Variants in ANKS6 observed in about 807,000 individuals in gnomAD.
ANKS6 encodes ankyrin repeat and sterile alpha motif domain containing 6.
A neutral mutation model predicts 77.9 loss-of-function variants in ANKS6; 47 were observed. The ratio of observed to expected loss-of-function variants is 0.60; its 90% CI spans 0.48 to 0.77. ANKS6 has a LOEUF of 0.77. Ranked by LOEUF, ANKS6 falls within the 30% of genes least tolerant of loss-of-function variation. The pLI, the probability that ANKS6 is intolerant of heterozygous loss-of-function variation, is 0.00. For missense variants in ANKS6, 1,150 were observed against 1,159.1 expected (o/e 0.99, Z 0.11); for synonymous variants, 488 against 501.7 (o/e 0.97, Z 0.37).
chr9:98,774,000 A>G lies in ANKS6; in HGVS notation c.1698T>C (p.Ser566=). The change falls in exon 9 of 15, where the codon AGT becomes AGC. Residue 566 remains serine (S), a synonymous_variant. Coordinates refer to ENST00000353234, the MANE Select transcript of ANKS6 (RefSeq NM_173551.5). ...AVIPPFLPPS[S]FELWSSDRSR... Reference sequence around the variant, plus strand: ...ACCGATCAGAGCTCCACAGCTCAAAACTGGAAGGGGGTAGGAATGGGGGGA... The same window carrying G: ...ACCGATCAGAGCTCCACAGCTCAAAGCTGGAAGGGGGTAGGAATGGGGGGA... The G allele has an allele frequency of 7.3e-7, 1 of 1,369,492 alleles. No homozygotes were observed. The highest frequency in any genetic ancestry group is 9.7e-7 in the Non-Finnish European group (1 of 1,028,454). The allele number at this position is 1,369,492 out of a possible 1,614,324, so 84.8% of individuals were successfully genotyped here. A position where few individuals can be genotyped will look rare whatever the true frequency, so the allele number is the denominator to read the frequency against.
rs1266741542 is a variant in ANKS6 at position 98,790,590 on chromosome 9, C to T, written c.376G>A (p.Val126Met). 3 of 1,601,220 alleles carry T rather than the reference C, an allele frequency of 1.9e-6. No homozygotes were observed. In the East Asian group the frequency reaches 6.8e-5, roughly 36 times the overall value. ...CCGTGATCCAACAGGAGGTGTGCCACACTCACATGCCCAAATCTGCCAGGA... is the reference window on the plus strand; with the variant it reads ...CCGTGATCCAACAGGAGGTGTGCCATACTCACATGCCCAAATCTGCCAGGA... ...MQAARFGHVS[V>M]AHLLLDHGAD... Residue 126 changes from valine (V) to methionine (M), a missense_variant, in exon 2 of 15, where the codon GTG (valine) becomes ATG (methionine). By Grantham distance (21) the Val-to-Met change is conservative (BLOSUM62 1). Coordinates refer to ENST00000353234, the MANE Select transcript of ANKS6 (RefSeq NM_173551.5).
In ANKS6 at chr9:98,784,098, T is replaced by C. The variant is rs1442029690; in HGVS notation, c.967A>G (p.Asn323Asp). ...ATCAGTGGCGTCGCCCCGTCCCCATTGACCAAGTTCACGTGGCTGGGGTCT... is the reference window on the plus strand; with the variant it reads ...ATCAGTGGCGTCGCCCCGTCCCCATCGACCAAGTTCACGTGGCTGGGGTCT... ...DEDPSHVNLV[N>D]GDGATPLMLA... Residue 323 changes from asparagine to aspartate, a missense_variant, in exon 4 of 15, where the codon AAT (asparagine) becomes GAT (aspartate). By Grantham distance (23) the Asn-to-Asp change is conservative (BLOSUM62 1). Coordinates refer to ENST00000353234, the MANE Select transcript of ANKS6 (RefSeq NM_173551.5). The C allele has an allele frequency of 6.3e-7, 1 of 1,587,076 alleles. No individual in the cohort carries two copies. The highest frequency in any genetic ancestry group is 1.3e-5 in the African/African-American group (1 of 74,144).
At position 98,732,242 on chromosome 9, in the gene ANKS6, G is replaced by A. The variant is rs143501208; in HGVS notation, c.*4277C>T. On this transcript the variant is annotated 3_prime_UTR_variant, in exon 15 of 15. Coordinates refer to ENST00000353234, the MANE Select transcript of ANKS6 (RefSeq NM_173551.5). ...CATTTACTTGGAAGTACAGGTCAGCGTTATCCAAAGTTGTCCAGCCTCCGG... is the reference window on the plus strand; with the variant it reads ...CATTTACTTGGAAGTACAGGTCAGCATTATCCAAAGTTGTCCAGCCTCCGG... 2.8e-5 allele frequency: 15 copies of A among 544,448 alleles called. No individual in the cohort carries two copies. Among genetic ancestry groups the A allele is most frequent in the South Asian group, 8.4e-5 (4 of 47,348 alleles). 33.7% of individuals were successfully genotyped at this position (544,448 alleles called of 1,614,324 possible).
chr9:98,784,165 C>T lies in ANKS6; in HGVS notation c.908-8G>A. On this transcript the variant is annotated splice_polypyrimidine_tract_variant and splice_region_variant and intron_variant, in intron 3 of 14. Coordinates refer to ENST00000353234, the MANE Select transcript of ANKS6 (RefSeq NM_173551.5). ...TGACCAGCTGGAAGTTTCCTGCAAA[C>T]ACAAGCAGGAGTCCGGGTGAACTGT... 1 of 1,514,952 alleles carries T rather than the reference C, an allele frequency of 6.6e-7. No individual in the cohort carries two copies. Among genetic ancestry groups the T allele is most frequent in the African/African-American group, 1.4e-5 (1 of 71,742 alleles). The allele number at this position is 1,514,952 out of a possible 1,614,324, so 93.8% of individuals were successfully genotyped here. A position where few individuals can be genotyped will look rare whatever the true frequency, so the allele number is the denominator to read the frequency against.
intron 11 of ANKS6, among the ~76,000 whole-genome samples, chr9:98,765,572 C>T (rs2117993356): frequency 6.6e-6 from 1 of 152,270 alleles, no homozygotes; most frequent in Middle Eastern, 3.4e-3. Context: ...GAGAACTGCC[C>T]ACATAAGTCC....
intron 13 of ANKS6, among the ~76,000 whole-genome samples, chr9:98,749,435 T>A (rs1310488228): frequency 6.6e-6 from 1 of 152,156 alleles, no homozygotes; most frequent in Non-Finnish European, 1.5e-5. Context: ...CGAAGCTCTG[T>A]ACGTCAGCTG....
At chr9:98,772,723 C>T (rs573816496) in intron 9 of ANKS6, among the ~76,000 whole-genome samples, 13 of 152,326 alleles carry the variant, frequency 8.5e-5, no homozygotes, top group African/African-American at 2.9e-4. Flanking sequence ...CTCTCTCCCT[C>T]TACCTGGGAC....
intron 12 of ANKS6, among the ~76,000 whole-genome samples, chr9:98,753,455 C>A (rs1439611580): frequency 6.6e-6 from 1 of 152,120 alleles, no homozygotes; most frequent in African/African-American, 2.4e-5. Context: ...TAAGTTTAAT[C>A]CTCATTGTTA....
chr9:98,765,212 C>T (rs1190465784), intron 11 of ANKS6, among the ~76,000 whole-genome samples: 10 of 152,150 alleles, frequency 6.6e-5, no homozygotes, highest in Admixed American at 6.5e-4. Flanking sequence ...AGATCTATTC[C>T]AGCCAAAAGC....
At position 98,733,507 on chromosome 9, in the gene ANKS6, A is replaced by G. The variant is rs1407796830; in HGVS notation, c.*3012T>C. 1 of 985,394 alleles carries G rather than the reference A, an allele frequency of 1.0e-6. No homozygotes were observed. The highest frequency in any genetic ancestry group is 1.7e-5 in the African/African-American group (1 of 57,242). 61.0% of individuals were successfully genotyped at this position (985,394 alleles called of 1,614,324 possible). ...ACTGCCAAGCAGGCCACCTCTGCAG[A>G]GCTGCTGGGGAGAAAAAGGTGACCA... On this transcript the variant is annotated 3_prime_UTR_variant, in exon 15 of 15. Coordinates refer to ENST00000353234, the MANE Select transcript of ANKS6 (RefSeq NM_173551.5).
At chr9:98,754,515 A>T (rs1832594714) in intron 12 of ANKS6, among the ~76,000 whole-genome samples, 1 of 151,904 alleles carries the variant, frequency 6.6e-6, no homozygotes, top group South Asian at 2.1e-4. Flanking sequence ...GGTGGCGGGC[A>T]CCTGAGGTCC....
intron 2 of ANKS6, among the ~76,000 whole-genome samples, chr9:98,786,268 C>T (rs544355999): frequency 5.3e-5 from 8 of 150,902 alleles, no homozygotes; most frequent in South Asian, 4.2e-4. Context: ...TGTGAGCCAC[C>T]GCTCCAGGCC....
chr9:98,755,483 C>T lies in ANKS6; in HGVS notation c.2326+937G>A, dbSNP rs1832651637. Among the ~76,000 whole-genome samples, 3 of 152,284 alleles carry T rather than the reference C, an allele frequency of 2.0e-5. No homozygotes were observed. In the South Asian group the frequency reaches 6.2e-4, roughly 32 times the overall value. On this transcript the variant is annotated intron_variant, in intron 12 of 14. Transcript: ENST00000353234. ...CTGACTGCAAAGCCTCTGCTCCTGCCCTACCACCCACTCCATCTTCCCTCA... is the reference window on the plus strand; with the variant it reads ...CTGACTGCAAAGCCTCTGCTCCTGCTCTACCACCCACTCCATCTTCCCTCA...
intron 12 of ANKS6, among the ~76,000 whole-genome samples, chr9:98,755,542 TCACAAGGCA>T (rs1028817881): frequency 3.3e-5 from 5 of 152,216 alleles, no homozygotes; most frequent in African/African-American, 7.2e-5. Context: ...AGGCTGTAAT[TCACAAGGCA>T]GGTTCCAAGG....
In ANKS6 at chr9:98,770,936, T is replaced by C. The variant is rs751949934; in HGVS notation, c.1932A>G (p.Val644=). ...GCTCCCCACCGTGCCGGCTCACACC[T>C]ACCCCACTGGAGCCGCCCGATGAAT... ...SPHSSGGSSG[V]GVSRHGGELL... is the part of the protein sequence containing the mutation. Residue 644 remains valine (V), a synonymous_variant, in exon 10 of 15, where the codon GTA becomes GTG. Transcript: ENST00000353234. 4 of 1,587,824 alleles carry C rather than the reference T, an allele frequency of 2.5e-6. No individual in the cohort carries two copies. Among genetic ancestry groups the C allele is most frequent in the African/African-American group, 1.3e-5 (1 of 74,116 alleles).
chr9:98,750,570 T>C (rs1254703281), intron 13 of ANKS6, among the ~76,000 whole-genome samples: 1 of 152,208 alleles, frequency 6.6e-6, no homozygotes, highest in African/African-American at 2.4e-5. Context: ...GGTAACTCTA[T>C]ATTTAATATT....
chr9:98,787,323 G>A (rs1473323737), intron 2 of ANKS6, among the ~76,000 whole-genome samples: 1 of 150,584 alleles, frequency 6.6e-6, no homozygotes, highest in Non-Finnish European at 1.5e-5. Flanking sequence ...ATTTGACACA[G>A]CAGGATGAAT....
chr9:98,787,121 G>A (rs1345057288), intron 2 of ANKS6, among the ~76,000 whole-genome samples: 1 of 152,164 alleles, frequency 6.6e-6, no homozygotes, highest in Non-Finnish European at 1.5e-5. Context: ...AGGCCTTGGT[G>A]GGGGCTGGAT....
intron 2 of ANKS6, among the ~76,000 whole-genome samples, chr9:98,788,268 T>C (rs1216612868): frequency 6.6e-6 from 1 of 152,214 alleles, no homozygotes; most frequent in Non-Finnish European, 1.5e-5. Flanking sequence ...GGAGAACGCA[T>C]GCACAACAGA....
Sources: gnomAD v4.1 joint callset for allele counts (sites outside exome capture counted in the v4.1 genomes callset) on GRCh38, gnomAD v4.1.1 for gene constraint, MANE v1.5 for transcripts, NCBI Gene and HGNC (gene_info 2026-07-23, HGNC 2026-07-21) for gene names.